The following TAFA5 variants were observed in gnomAD, a reference collection of about 807,000 sequenced individuals.
TAFA5 encodes chemokine-like protein TAFA-5.
Under a neutral mutation model 15.3 loss-of-function variants are expected in TAFA5, and 6 were observed. The ratio of observed to expected loss-of-function variants is 0.39; its 90% confidence interval spans 0.21 to 0.77. The LOEUF (loss-of-function observed/expected upper bound fraction) is 0.77, where lower values mean the gene tolerates loss of function less well. Ranked by LOEUF, TAFA5 falls within the 30% of genes least tolerant of loss-of-function variation. TAFA5 has a pLI of 0.41. For missense variants in TAFA5, 161 were observed against 193.1 expected (o/e 0.83, Z 0.98); for synonymous variants, 103 against 80.7 (o/e 1.28, Z -1.48).
At chr22:48,673,851 G>A (rs927286139) in intron 2 of TAFA5, among the ~76,000 whole-genome samples, 10 of 152,116 alleles carry the variant, frequency 6.6e-5, no homozygotes, top group African/African-American at 2.4e-4. Context: ...GTTCTTTACA[G>A]GCCCTTCCCC....
At chr22:48,711,378 G>A (rs1435744012) in intron 3 of TAFA5, among the ~76,000 whole-genome samples, 2 of 151,902 alleles carry the variant, frequency 1.3e-5, no homozygotes, top group African/African-American at 2.4e-5. Context: ...GGTAGATCTC[G>A]GTGAGTGACC....
chr22:48,622,974 G>A (rs73429916), intron 1 of TAFA5, among the ~76,000 whole-genome samples: 4,638 of 152,322 alleles, frequency 0.03, 236 homozygotes, highest in African/African-American at 0.11. Flanking sequence ...TGGACACTTC[G>A]CTCCATTCAC....
intron 2 of TAFA5, among the ~76,000 whole-genome samples, chr22:48,666,055 G>A (rs1927598904): frequency 6.6e-6 from 1 of 152,220 alleles, no homozygotes; most frequent in South Asian, 2.1e-4. Context: ...GAGGTCCCCG[G>A]CCTGGTGGTC....
intron 3 of TAFA5, among the ~76,000 whole-genome samples, chr22:48,740,790 G>C (rs548478651): frequency 6.6e-6 from 1 of 152,292 alleles, no homozygotes; most frequent in South Asian, 2.1e-4. Flanking sequence ...TGCAGGCACC[G>C]TGCTGAGGAC....
intron 1 of TAFA5, among the ~76,000 whole-genome samples, chr22:48,617,851 G>A (rs1925666930): frequency 2.9e-5 from 1 of 34,278 alleles, no homozygotes; most frequent in Non-Finnish European, 5.0e-5. Context: ...GCCTGGAGGT[G>A]CACAAGCACA....
chr22:48,691,975 C>T (rs189646680), intron 2 of TAFA5, among the ~76,000 whole-genome samples: 16 of 152,314 alleles, frequency 1.1e-4, no homozygotes, highest in Admixed American at 3.3e-4. Flanking sequence ...CTGAGTCGTC[C>T]TCCAAAGGGG....
intron 1 of TAFA5, chr22:48,576,263 C>G: frequency 7.6e-6 from 5 of 661,846 alleles, no homozygotes; most frequent in Non-Finnish European, 1.0e-5. Flanking sequence ...GCCCCCTCCG[C>G]GGCGCCCCCC....
At chr22:48,540,427 A>T (rs187698254) in intron 1 of TAFA5, among the ~76,000 whole-genome samples, 2 of 152,204 alleles carry the variant, frequency 1.3e-5, no homozygotes, top group African/African-American at 4.8e-5. Flanking sequence ...GACACCCGCC[A>T]TGGGAACGAT....
intron 3 of TAFA5, among the ~76,000 whole-genome samples, chr22:48,743,099 A>G (rs1930228103): frequency 6.6e-6 from 1 of 152,134 alleles, no homozygotes; most frequent in African/African-American, 2.4e-5. Flanking sequence ...GTGGCTTCAA[A>G]CCATGAAACC....
rs374868792 is a variant in TAFA5, at chr22:48,584,524, C to T, written c.113-62073C>T. On this transcript the variant is annotated intron_variant, in intron 1 of 3. Coordinates refer to ENST00000402357, the MANE Select transcript of TAFA5 (RefSeq NM_001082967.3). ...TACACCACACACACACACACATACA[C>T]ACCACACAAAATACACACACATCAC... is the stretch of plus-strand genomic sequence containing the variant. Among the ~76,000 whole-genome samples, 27 of 148,546 alleles carry T rather than the reference C, an allele frequency of 1.8e-4. 1 individual carries two copies. The highest frequency in any genetic ancestry group is 2.4e-4 in the Non-Finnish European group (16 of 66,840).
rs1928108056 is a variant in TAFA5 at position 48,490,421 on chromosome 22, G to A, written c.112+717G>A. ...CGTGAGCTGAGGGCTGGGGTAGGGGGTGACCGCCGCGGGCTCCCTGTTGCC... is the reference window on the plus strand; with the variant it reads ...CGTGAGCTGAGGGCTGGGGTAGGGGATGACCGCCGCGGGCTCCCTGTTGCC... On this transcript the variant is annotated intron_variant, in intron 1 of 3. Coordinates refer to ENST00000402357, the MANE Select transcript of TAFA5 (RefSeq NM_001082967.3). This position sits in a 1 kb window ranked among gnomAD's most constrained non-coding sequence, Gnocchi z 5.8. Among the ~76,000 whole-genome samples, 1 of 151,756 alleles carries A rather than the reference G, an allele frequency of 6.6e-6. No homozygotes were observed. Among genetic ancestry groups the A allele is most frequent in the Non-Finnish European group, 1.5e-5 (1 of 67,888 alleles).
intron 2 of TAFA5, among the ~76,000 whole-genome samples, chr22:48,704,702 T>TCAAAAAA (rs1929025565): frequency 6.6e-6 from 1 of 151,536 alleles, no homozygotes; most frequent in Admixed American, 6.6e-5. Flanking sequence ...GATTCTCAGC[T>TCAAAAAA]GGAGTTTCCT....
intron 2 of TAFA5, among the ~76,000 whole-genome samples, chr22:48,651,935 T>C (rs79823540): frequency 0.012 from 1,846 of 152,236 alleles, 33 homozygotes; most frequent in East Asian, 0.058. Context: ...GGGCTGTGGG[T>C]CCTGGCAGTG....
At chr22:48,726,204 T>G (rs923820812) in intron 3 of TAFA5, among the ~76,000 whole-genome samples, 1 of 152,250 alleles carries the variant, frequency 6.6e-6, no homozygotes, top group Non-Finnish European at 1.5e-5. Flanking sequence ...TTGTTGTTTT[T>G]GGGCAAAGTA....
chr22:48,573,885 G>T (rs1478810120), intron 1 of TAFA5, among the ~76,000 whole-genome samples: 1 of 152,230 alleles, frequency 6.6e-6, no homozygotes, highest in Non-Finnish European at 1.5e-5. Context: ...GTCAAGGGCA[G>T]GCTCTCTCTC....
Position 48,550,576 on chromosome 22 carries a change from T to A in TAFA5, c.112+60872T>A, listed in dbSNP as rs753131698. 6.6e-6 allele frequency among the ~76,000 whole-genome samples: 1 copy of A among 152,096 alleles called. No individual in the cohort carries two copies. The highest frequency in any genetic ancestry group is 1.5e-5 in the Non-Finnish European group (1 of 67,990). On this transcript the variant is annotated intron_variant, in intron 1 of 3. Transcript: ENST00000402357. The surrounding 1 kb of genome is among the most constrained non-coding windows in gnomAD (Gnocchi z 4.1). ...AGCAGATATGCCCTGCCCCCTACCC[T>A]CATCCCACGGTTCCTAGCAGGTTCC...
chr22:48,691,698 G>T (rs1368613340), intron 2 of TAFA5, among the ~76,000 whole-genome samples: 2 of 152,250 alleles, frequency 1.3e-5, no homozygotes, highest in African/African-American at 4.8e-5. Flanking sequence ...ACCCTACGGG[G>T]CGCCTGCCCC....
intron 1 of TAFA5, among the ~76,000 whole-genome samples, chr22:48,634,394 C>T (rs747397195): frequency 2.0e-4 from 30 of 152,162 alleles, no homozygotes; most frequent in Admixed American, 3.9e-4. Context: ...GTCACGCACT[C>T]ATTTATTCAC....
At chr22:48,563,778 C>G (rs1409568182) in intron 1 of TAFA5, among the ~76,000 whole-genome samples, 1 of 152,052 alleles carries the variant, frequency 6.6e-6, no homozygotes, top group Non-Finnish European at 1.5e-5. Flanking sequence ...TGACAAAGGT[C>G]AAGACCCCAA....
Sources: allele counts gnomAD v4.1 joint callset (sites outside exome capture counted in the v4.1 genomes callset), GRCh38; gene constraint gnomAD v4.1.1; non-coding constraint Gnocchi (gnomAD v3.1); transcripts MANE v1.5; gene names NCBI Gene and HGNC (gene_info 2026-07-23, HGNC 2026-07-21).